HEATR1: variants seen among roughly 807,000 people sequenced by gnomAD.
The protein encoded by HEATR1 is HEAT repeat containing 1.
HEATR1 carries 77 observed loss-of-function variants against 248.2 expected under a neutral mutation model. The observed-to-expected ratio is 0.31, with a 90% CI of 0.26 to 0.37. The LOEUF is 0.37. Among genes scored for constraint, HEATR1 ranks in the 10% least tolerant of loss-of-function variants. The pLI is 1.00. For missense variants in HEATR1, 2,420 were observed against 2,504.9 expected (o/e 0.97, Z 0.72); for synonymous variants, 897 against 923.1 (o/e 0.97, Z 0.51).
rs1663032423 is a variant in HEATR1, at chr1:236,558,345, A to G, written c.5096T>C (p.Leu1699Pro). 6.2e-7 allele frequency: 1 copy of G among 1,614,172 alleles called. No individual in the cohort carries two copies. Among genetic ancestry groups the G allele is most frequent in the Non-Finnish European group, 8.5e-7 (1 of 1,180,024 alleles). The change falls in exon 36 of 45, where the codon CTG (leucine) becomes CCG (proline). Residue 1699 changes from leucine to proline, a missense_variant. By Grantham distance (98) the Leu-to-Pro change is moderately conservative. Transcript: ENST00000366582. ...FVPVLNTAVK[L>P]IAPERKEEKN... ...CTCCTCCTTTCTCTCTGGAGCAATC[A>G]GTTTCACAGCAGTGTTCAGCACTGG... is the stretch of plus-strand genomic sequence containing the variant.
Position 236,594,122 on chromosome 1 carries a change from T to G in HEATR1, c.1091-8A>C, listed in dbSNP as rs1280106951. The G allele has an allele frequency of 6.5e-7, 1 of 1,528,360 alleles. No individual in the cohort carries two copies. Among genetic ancestry groups the G allele is most frequent in the South Asian group, 1.2e-5 (1 of 81,446 alleles). The allele number at this position is 1,528,360 out of a possible 1,614,324, so 94.7% of individuals were successfully genotyped here. On this transcript the variant is annotated splice_polypyrimidine_tract_variant and splice_region_variant and intron_variant, in intron 8 of 44. Coordinates refer to ENST00000366582, the MANE Select transcript of HEATR1 (RefSeq NM_018072.6). ...TTCCTTCAGTTTCTTCTCCTTAATA[T>G]GTAAAAATTAAAATTGTGTTGGGAA...
chr1:236,574,694 T>C lies in HEATR1; in HGVS notation c.3294A>G (p.Gly1098=). The change falls in exon 23 of 45, where the codon GGA becomes GGG. Residue 1098 remains glycine (G), a synonymous_variant. Transcript: ENST00000366582. The part of the protein sequence containing the change: ...AVHTTKELYA[G]MPTIQITALE... Reference sequence around the variant, plus strand: ...GGGCTGTGATCTGAATGGTTGGCATTCCCGCGTAAAGTTCCTTTGTTGTGT... The same window carrying C: ...GGGCTGTGATCTGAATGGTTGGCATCCCCGCGTAAAGTTCCTTTGTTGTGT... 2 of 1,613,920 alleles carry C rather than the reference T, an allele frequency of 1.2e-6. No individual in the cohort carries two copies. The highest frequency in any genetic ancestry group is 1.7e-6 in the Non-Finnish European group (2 of 1,179,870).
chr1:236,599,631 A>G lies in HEATR1; in HGVS notation c.360-7T>C, dbSNP rs772205715. 1.2e-4 allele frequency: 194 copies of G among 1,579,234 alleles called. No individual in the cohort carries two copies. Among genetic ancestry groups the G allele is most frequent in the African/African-American group, 2.4e-4 (18 of 74,122 alleles). On this transcript the variant is annotated splice_region_variant and splice_polypyrimidine_tract_variant and intron_variant, in intron 3 of 44. Transcript: ENST00000366582. ...ATAGAGATGTATATGGAACCTGGGG[A>G]AAAAAAGCAAACAGTCCAACTGAAC...
At chr1:236,551,766 A>G in intron 44 of HEATR1, 1 of 470,204 alleles carries the variant, frequency 2.1e-6, no homozygotes, top group Non-Finnish European at 3.8e-6. Flanking sequence ...ATTACACTGT[A>G]AACGGACTCT....
chr1:236,603,874 A>C (rs1664394314), intron 2 of HEATR1, 80 bp downstream of exon 2: 6 of 1,407,706 alleles, frequency 4.3e-6, no homozygotes, highest in Non-Finnish European at 5.7e-6. Flanking sequence ...CAGAAGAGAA[A>C]ACAAGGGGAA....
chr1:236,572,909 G>A (rs899492942), intron 24 of HEATR1, 81 bp from the exon 25 acceptor site: 1 of 1,250,208 alleles, frequency 8.0e-7, no homozygotes, highest in African/African-American at 1.5e-5. Flanking sequence ...CCCTAGGAAG[G>A]ATTTATTCAA....
In HEATR1 at chr1:236,595,993, A is replaced by T; in HGVS notation, c.796T>A (p.Cys266Ser). The change falls in exon 7 of 45, where the codon TGT (cysteine) becomes AGT (serine). Residue 266 changes from cysteine (C) to serine (S), a missense_variant. Coordinates refer to ENST00000366582, the MANE Select transcript of HEATR1 (RefSeq NM_018072.6). ...DYRAATYMII[C>S]QISVKVTMEN... ...ATGGTCACTTTCACAGAAATCTGAC[A>T]TATTATCATGTATGTTGCAGCTCTG... 6.2e-7 allele frequency: 1 copy of T among 1,613,944 alleles called. No individual in the cohort carries two copies. Among genetic ancestry groups the T allele is most frequent in the Non-Finnish European group, 8.5e-7 (1 of 1,179,840 alleles).
At chr1:236,593,720 C>T (rs1392376944) in intron 9 of HEATR1, among the ~76,000 whole-genome samples, 1 of 151,850 alleles carries the variant, frequency 6.6e-6, no homozygotes, top group Non-Finnish European at 1.5e-5. Flanking sequence ...TATTATGGTC[C>T]ATTTACTAAG....
rs755307968 is a variant in HEATR1 at position 236,576,222 on chromosome 1, A to G, written c.3081T>C (p.Gly1027=). 1 of 1,596,750 alleles carries G rather than the reference A, an allele frequency of 6.3e-7. No individual in the cohort carries two copies. The highest frequency in any genetic ancestry group is 1.1e-5 in the South Asian group (1 of 87,128). The part of the protein sequence containing the change: ...DLMKVLQGVN[G]EMVLSQLLPM... ...AATCCACTTAAATGGCACATACCTC[A>G]CCGTTGACTCCCTGAAGTACTTTCA... The change falls in exon 22 of 45, where the codon GGT becomes GGC. Residue 1027 remains glycine (G), a synonymous_variant. Coordinates refer to ENST00000366582, the MANE Select transcript of HEATR1 (RefSeq NM_018072.6).
In HEATR1 at chr1:236,585,876, T is replaced by A. The variant is rs765724810; in HGVS notation, c.1993A>T (p.Ile665Phe). ...KLIGVANQKM[I>F]ELLADNINLG... The stretch of plus-strand genomic sequence containing the variant: ...TTTATATTATCAGCCAACAACTCAA[T>A]CATCTTCTGATTTGCTACACCGATT... The change falls in exon 16 of 45, where the codon ATT becomes TTT. Residue 665 changes from isoleucine (I) to phenylalanine (F), a missense_variant. By Grantham distance (21) the Ile-to-Phe change is conservative. Transcript: ENST00000366582. 1.9e-6 allele frequency: 3 copies of A among 1,612,870 alleles called. No individual in the cohort carries two copies. Among genetic ancestry groups the A allele is most frequent in the South Asian group, 1.1e-5 (1 of 91,026 alleles).
rs767138512 is a variant in HEATR1, at chr1:236,572,519, C to T, written c.3599G>A (p.Gly1200Glu). The change falls in exon 26 of 45, where the codon GGA becomes GAA. Residue 1200 changes from glycine to glutamate, a missense_variant. Transcript: ENST00000366582. ...AGTTACTCTTTGCCAGTAAGAACCT[C>T]CAACTTCCTGAACAGATTCTAGATC... ...SQDLESVQEV[G>E]GSYWQRVTLI... The T allele has an allele frequency of 6.8e-6, 11 of 1,613,910 alleles. No homozygotes were observed. The African/African-American group carries it at 1.5e-4, about 22-fold the overall frequency.
In HEATR1 at chr1:236,558,533, AAGGGGACAGCC is replaced by A; in HGVS notation, c.4912-15_4912-5del. On this transcript the variant is annotated splice_polypyrimidine_tract_variant and splice_region_variant and intron_variant, in intron 35 of 44. Coordinates refer to ENST00000366582, the MANE Select transcript of HEATR1 (RefSeq NM_018072.6). Reference sequence around the variant, plus strand: ...CCAGTTTTAGGAAACGGGTAACCTGAAGGGGACAGCCAGAATCCCCAAATCATTAAAGCTGC... The same window carrying A: ...CCAGTTTTAGGAAACGGGTAACCTGAAGAATCCCCAAATCATTAAAGCTGC... 6.2e-7 allele frequency: 1 copy of A among 1,606,304 alleles called. No individual in the cohort carries two copies. Among genetic ancestry groups the A allele is most frequent in the Non-Finnish European group, 8.5e-7 (1 of 1,175,098 alleles).
chr1:236,586,290 T>G lies in HEATR1; in HGVS notation c.1878A>C (p.Ser626=). The G allele has an allele frequency of 1.9e-6, 3 of 1,613,504 alleles. No individual in the cohort carries two copies. In the Admixed American group the frequency reaches 5.0e-5, roughly 27 times the overall value. ...SAEMKIAIYL[S]KSGICSLHPL... The stretch of plus-strand genomic sequence containing the variant: ...GGTGCAGGGAGCAGATTCCTGATTT[T>G]GATAAATATATAGCAATTTTCATCT... Residue 626 remains serine, a synonymous_variant, in exon 15 of 45, where the codon TCA becomes TCC. Transcript: ENST00000366582.
intron 28 of HEATR1, among the ~76,000 whole-genome samples, chr1:236,570,449 A>ATGG (rs1260228938): frequency 2.6e-5 from 4 of 152,118 alleles, no homozygotes; most frequent in African/African-American, 9.6e-5. Context: ...GGTGGTGGTC[A>ATGG]TGGTGGTGGT....
Position 236,592,237 on chromosome 1 carries a change from ATGT to A in HEATR1, c.1305-130_1305-128del, listed in dbSNP as rs768263523. On this transcript the variant is annotated intron_variant, in intron 10 of 44. Coordinates refer to ENST00000366582, the MANE Select transcript of HEATR1 (RefSeq NM_018072.6). ...GAGACTGTGACTTAAATTTTAACAA[ATGT>A]TGTAGGTAAAACCAAATGACATTGG... is the stretch of plus-strand genomic sequence containing the variant. The A allele has an allele frequency of 1.8e-4, 105 of 593,482 alleles. 1 individual carries two copies. Among genetic ancestry groups the A allele is most frequent in the Middle Eastern group, 4.7e-4 (1 of 2,148 alleles). The allele number at this position is 593,482 out of a possible 1,614,324, so 36.8% of individuals were successfully genotyped here. A position where few individuals can be genotyped will look rare whatever the true frequency, so the allele number is the denominator to read the frequency against.
At chr1:236,600,436 G>A (rs1664291299) in intron 3 of HEATR1, among the ~76,000 whole-genome samples, 1 of 151,666 alleles carries the variant, frequency 6.6e-6, no homozygotes, top group African/African-American at 2.4e-5. Flanking sequence ...TGGCTAAGAT[G>A]TTTTTTCTAA....
chr1:236,567,670 T>C (rs769940796), intron 29 of HEATR1, among the ~76,000 whole-genome samples: 19 of 152,082 alleles, frequency 1.2e-4, no homozygotes, highest in Non-Finnish European at 2.4e-4. Context: ...GATCATGCCA[T>C]TGCACTCTAG....
Position 236,564,564 on chromosome 1 carries a change from C to A in HEATR1, c.4533G>T (p.Arg1511=), listed in dbSNP as rs893824167. 1.9e-6 allele frequency: 3 copies of A among 1,613,998 alleles called. No individual in the cohort carries two copies. The highest frequency in any genetic ancestry group is 1.7e-4 in the Middle Eastern group (1 of 6,006). ...AGGACACTGACAAAAATTTAAAATGCCGCAGTTGCTTGCTAGTGTGAGTCT... is the reference window on the plus strand; with the variant it reads ...AGGACACTGACAAAAATTTAAAATGACGCAGTTGCTTGCTAGTGTGAGTCT... The part of the protein sequence containing the change: ...NVETHTSKQL[R]HFKFLSVSFM... Residue 1511 remains arginine, a synonymous_variant, in exon 32 of 45, where the codon CGG becomes CGT. Transcript: ENST00000366582.
Position 236,596,008 on chromosome 1 carries a change from T to C in HEATR1, c.781A>G (p.Thr261Ala), listed in dbSNP as rs755012043. 28 of 1,613,356 alleles carry C rather than the reference T, an allele frequency of 1.7e-5. No individual in the cohort carries two copies. Among genetic ancestry groups the C allele is most frequent in the Non-Finnish European group, 2.3e-5 (27 of 1,179,480 alleles). The change falls in exon 7 of 45, where the codon ACA becomes GCA. Residue 261 changes from threonine to alanine, a missense_variant. Transcript: ENST00000366582. ...KSSLPDYRAATYMIICQISVK... is the reference protein window; with the variant it reads ...KSSLPDYRAAAYMIICQISVK... The stretch of plus-strand genomic sequence containing the variant: ...GAAATCTGACATATTATCATGTATG[T>C]TGCAGCTCTGTAATCTGGTAAAGAT...
Sources: gnomAD v4.1 joint callset for allele counts (sites outside exome capture counted in the v4.1 genomes callset) on GRCh38, gnomAD v4.1.1 for gene constraint, MANE v1.5 for transcripts, NCBI Gene and HGNC (gene_info 2026-07-23, HGNC 2026-07-21) for gene names.